MYH11: variants seen among roughly 807,000 people sequenced by gnomAD.
The protein encoded by MYH11 is myosin heavy chain 11.
A neutral mutation model predicts 246.6 loss-of-function variants in MYH11; 80 were observed. The observed-to-expected ratio is 0.32, with a 90% CI of 0.27 to 0.39. The LOEUF is 0.39. Among genes scored for constraint, MYH11 ranks in the 10% least tolerant of loss-of-function variants. The pLI is 1.00. For missense variants in MYH11, 2,158 were observed against 2,546.8 expected, an observed-to-expected ratio of 0.85 and a Z score of 3.29; for synonymous variants, 1,071 against 1,015.5, an observed-to-expected ratio of 1.05 and a Z score of -1.04.
At position 15,817,284 on chromosome 16, in the gene MYH11, G is replaced by A. The variant is rs560228318; in HGVS notation, c.502+5971C>T. 9.2e-5 allele frequency among the ~76,000 whole-genome samples: 14 copies of A among 152,246 alleles called. No individual in the cohort carries two copies. In the East Asian group the frequency reaches 2.5e-3, roughly 27 times the overall value. The stretch of plus-strand genomic sequence containing the variant: ...AGGCGGGCAGATCACCTGAGGTCAG[G>A]AGTTTGAAACCAGCCTGGCCAACAT... On this transcript the variant is annotated intron_variant, in intron 3 of 40. Transcript: ENST00000300036.
In MYH11 at chr16:15,784,841, G is replaced by C. The variant is rs1041910384; in HGVS notation, c.633+1789C>G. ...AGCCTGGAGTCTCCCAGACAGACTG[G>C]TCAGCTCCTTTTCCTTGATACTGTT... On this transcript the variant is annotated intron_variant, in intron 5 of 40. Coordinates refer to ENST00000300036, the MANE Select transcript of MYH11 (RefSeq NM_002474.3). 16 of 1,027,010 alleles carry C rather than the reference G, an allele frequency of 1.6e-5. No individual in the cohort carries two copies. In the East Asian group the frequency reaches 2.8e-4, roughly 18 times the overall value. 63.6% of individuals were successfully genotyped at this position (1,027,010 alleles called of 1,614,324 possible).
At chr16:15,745,535 G>A (rs2041392789) in intron 19 of MYH11, among the ~76,000 whole-genome samples, 2 of 151,616 alleles carry the variant, frequency 1.3e-5, no homozygotes, top group South Asian at 4.1e-4. Flanking sequence ...TCCTAAGGGG[G>A]CTCCCGTACT....
At chr16:15,705,358 TTC>T (rs1375763128) in intron 40 of MYH11, among the ~76,000 whole-genome samples, 3 of 152,302 alleles carry the variant, frequency 2.0e-5, no homozygotes, top group African/African-American at 7.2e-5. Context: ...TCTGCGCTGG[TTC>T]TCTCTTGAGT....
intron 1 of MYH11, among the ~76,000 whole-genome samples, chr16:15,849,950 C>G (rs1194506805): frequency 1.3e-5 from 2 of 152,104 alleles, no homozygotes; most frequent in Non-Finnish European, 2.9e-5. Context: ...TTATGGGACC[C>G]GTCTGTGACT....
At chr16:15,710,788 C>G (rs912600439) in intron 40 of MYH11, among the ~76,000 whole-genome samples, 5 of 152,072 alleles carry the variant, frequency 3.3e-5, no homozygotes, top group African/African-American at 1.2e-4. Context: ...AAGGAGTGTC[C>G]TGTCTCAGCC....
At chr16:15,715,105 G>A (rs71376095) in intron 39 of MYH11, 24 bp from the exon 40 acceptor site, 141 of 1,612,356 alleles carry the variant, frequency 8.7e-5, no homozygotes, top group Non-Finnish European at 1.2e-4. Flanking sequence ...TTGGAGGGGT[G>A]GTTAGGGGAG....
intron 3 of MYH11, among the ~76,000 whole-genome samples, chr16:15,822,560 T>TTA (rs2043442777): frequency 1.3e-5 from 2 of 151,970 alleles, no homozygotes; most frequent in Admixed American, 1.3e-4. Context: ...ACCCACCTTT[T>TTA]TAAAATTAGC....
Position 15,771,854 on chromosome 16 carries a change from G to A in MYH11, c.890-142C>T, listed in dbSNP as rs778341620. 2.2e-4 allele frequency: 232 copies of A among 1,075,904 alleles called. 1 individual carries two copies. In the Admixed American group the frequency reaches 2.4e-3, roughly 11 times the overall value. 66.6% of individuals were successfully genotyped at this position (1,075,904 alleles called of 1,614,324 possible). ...GAACCGTTTAAAGCCCTCACGCATC[G>A]TCACGTAGACAGCCTCACCAACCAC... On this transcript the variant is annotated intron_variant, in intron 8 of 40. Transcript: ENST00000300036.
Position 15,838,053 on chromosome 16 carries a change from T to C in MYH11, c.200A>G (p.Lys67Arg), listed in dbSNP as rs777426396. Residue 67 changes from lysine to arginine, a missense_variant, in exon 2 of 41, where the codon AAG becomes AGG. This residue lies in a region of MYH11 where 96 missense variants were observed against 91.9 expected (regional missense o/e 1.04). Transcript: ENST00000300036. ...EVVVELVENG[K>R]KVTVGKDDIQ... is the part of the protein sequence containing the mutation. The stretch of plus-strand genomic sequence containing the variant: ...GTCATCTTTCCCAACCGTGACCTTC[T>C]TGCCATTCTCCACCAGCTCCACAAC... 1.2e-5 allele frequency: 19 copies of C among 1,614,028 alleles called. No individual in the cohort carries two copies. The Admixed American group carries it at 2.3e-4, about 20-fold the overall frequency.
intron 14 of MYH11, 152 bp from the exon 15 acceptor site, chr16:15,753,660 C>T (rs1022860404): frequency 2.8e-6 from 2 of 713,836 alleles, no homozygotes; most frequent in Non-Finnish European, 5.1e-6. Context: ...TCCACAAACA[C>T]CAGTGAAGAG....
At chr16:15,762,266 C>T (rs941047016) in intron 10 of MYH11, among the ~76,000 whole-genome samples, 17 of 152,342 alleles carry the variant, frequency 1.1e-4, no homozygotes, top group African/African-American at 4.1e-4. Flanking sequence ...TGAGCCACCA[C>T]GCCTAGCCTC....
chr16:15,752,825 G>A (rs1687601797), intron 15 of MYH11, among the ~76,000 whole-genome samples: 1 of 152,180 alleles, frequency 6.6e-6, no homozygotes, highest in African/African-American at 2.4e-5. Flanking sequence ...GCTGCAGTGA[G>A]CCAAGATTGC....
At chr16:15,769,875 G>T (rs778355856) in intron 9 of MYH11, among the ~76,000 whole-genome samples, 1 of 149,536 alleles carries the variant, frequency 6.7e-6, no homozygotes, top group Non-Finnish European at 1.5e-5. Context: ...TATCCAGGCT[G>T]GTCTCGAACT....
At chr16:15,730,369 TAAAAAAAAA>T (rs746923275) in intron 27 of MYH11, among the ~76,000 whole-genome samples, 3 of 97,228 alleles carry the variant, frequency 3.1e-5, no homozygotes, top group Non-Finnish European at 6.8e-5. Context: ...CCATCTCTAC[TAAAAAAAAA>T]AAAAAAAAAA....
intron 29 of MYH11, 27 bp from the exon 30 acceptor site, chr16:15,724,826 A>C: frequency 5.6e-6 from 9 of 1,613,708 alleles, no homozygotes; most frequent in Non-Finnish European, 5.1e-6. Context: ...AAGAGGTCCC[A>C]GGGACCTGCC....
chr16:15,726,367 T>TC (rs1480186899), intron 28 of MYH11: 3 of 168,918 alleles, frequency 1.8e-5, no homozygotes, highest in Non-Finnish European at 3.7e-5. Context: ...AGGGTTTTTT[T>TC]TCTTTTTTTT....
chr16:15,738,765 C>T (rs1468242841), intron 23 of MYH11, 77 bp from the exon 24 acceptor site: 28 of 1,524,176 alleles, frequency 1.8e-5, no homozygotes, highest in Non-Finnish European at 2.5e-5. Flanking sequence ...TTAGTGATTT[C>T]CATGTAAACA....
At chr16:15,740,272 G>T in intron 22 of MYH11, 84 bp from the exon 23 acceptor site, 1 of 1,597,638 alleles carries the variant, frequency 6.3e-7, no homozygotes, top group Non-Finnish European at 8.5e-7. Flanking sequence ...GAATACAGGG[G>T]CTAGGCCTGA....
intron 32 of MYH11, 99 bp from the exon 33 acceptor site, chr16:15,721,150 G>A (rs185666608): frequency 3.4e-5 from 46 of 1,337,504 alleles, no homozygotes; most frequent in African/African-American, 4.3e-5. Flanking sequence ...CAGGGAGGTG[G>A]CTTTGGCCTC....
Sources: gnomAD v4.1 joint callset for allele counts (sites outside exome capture counted in the v4.1 genomes callset) on GRCh38, gnomAD v4.1.1 for gene constraint, gnomAD v4.1.1 regional missense constraint, MANE v1.5 for transcripts, NCBI Gene and HGNC (gene_info 2026-07-23, HGNC 2026-07-21) for gene names.